The following VTI1A variants were observed in gnomAD, a reference collection of about 807,000 sequenced individuals.
VTI1A encodes the protein vesicle transport through interaction with t-SNAREs homolog 1A.
VTI1A carries 22 observed loss-of-function variants against 34.9 expected under a neutral mutation model. The ratio of observed to expected loss-of-function variants is 0.63; its 90% CI spans 0.45 to 0.90. The LOEUF is 0.90. Ranked by LOEUF, VTI1A falls within the 40% of genes least tolerant of loss-of-function variation. VTI1A has a pLI of 0.00. For missense variants in VTI1A, 268 were observed against 275.6 expected (o/e 0.97, Z 0.20); for synonymous variants, 87 against 97.3 (o/e 0.89, Z 0.62).
intron 3 of VTI1A, among the ~76,000 whole-genome samples, chr10:112,516,555 G>T (rs1358294526): frequency 6.6e-6 from 1 of 151,852 alleles, no homozygotes; most frequent in Non-Finnish European, 1.5e-5. Context: ...TGGACCTATT[G>T]GCTTACCTCT....
chr10:112,731,094 A>T (rs1850240826), intron 7 of VTI1A, among the ~76,000 whole-genome samples: 1 of 152,168 alleles, frequency 6.6e-6, no homozygotes, highest in Admixed American at 6.5e-5. Context: ...GACTGTTTAT[A>T]TCAAGGGTAG....
At chr10:112,648,122 A>G (rs1378730075) in intron 5 of VTI1A, among the ~76,000 whole-genome samples, 1 of 152,210 alleles carries the variant, frequency 6.6e-6, no homozygotes, top group African/African-American at 2.4e-5. Flanking sequence ...ATTACACATC[A>G]GTTACACATC....
Position 112,603,633 on chromosome 10 carries a change from A to G in VTI1A, c.428-64585A>G, listed in dbSNP as rs61384671. On this transcript the variant is annotated intron_variant, in intron 5 of 7. Coordinates refer to ENST00000393077, the MANE Select transcript of VTI1A (RefSeq NM_145206.4). ...TTTGGATCTCAAAATATATCCTAGG[A>G]ATTTCCAAAATTTCTTCCCCTTGTA... Among the ~76,000 whole-genome samples, 35 of 152,188 alleles carry G rather than the reference A, an allele frequency of 2.3e-4. 1 individual carries two copies. The East Asian group carries it at 5.8e-3, about 25-fold the overall frequency.
chr10:112,687,168 G>A lies in VTI1A; in HGVS notation c.560+18170G>A, dbSNP rs566801671. ...AGATCAGAGAGCCTGGATAGGCAAG[G>A]ATGAAATCAAACTTCACCACATCAA... On this transcript the variant is annotated intron_variant, in intron 7 of 7. Coordinates refer to ENST00000393077, the MANE Select transcript of VTI1A (RefSeq NM_145206.4). Among the ~76,000 whole-genome samples the A allele has an allele frequency of 2.2e-4, 32 of 148,134 alleles. No individual in the cohort carries two copies. The East Asian group carries it at 6.4e-3, about 30-fold the overall frequency.
intron 5 of VTI1A, among the ~76,000 whole-genome samples, chr10:112,592,996 A>T (rs773928178): frequency 6.6e-5 from 10 of 152,226 alleles, no homozygotes; most frequent in Non-Finnish European, 1.3e-4. Flanking sequence ...GAGATTATTC[A>T]GTTTAAAGGA....
At position 112,480,133 on chromosome 10, in the gene VTI1A, G is replaced by A. The variant is rs114269905; in HGVS notation, c.264+15476G>A. On this transcript the variant is annotated intron_variant, in intron 3 of 7. Coordinates refer to ENST00000393077, the MANE Select transcript of VTI1A (RefSeq NM_145206.4). ...CCTAGAGTATACACACACATAGAAG[G>A]CAGTGTAATACACAGCTAGAAATAA... Among the ~76,000 whole-genome samples, 1,078 of 152,176 alleles carry A rather than the reference G, an allele frequency of 7.1e-3. 13 individuals are homozygous for A. Among genetic ancestry groups the A allele is most frequent in the African/African-American group, 0.025 (1,038 of 41,518 alleles).
chr10:112,801,395 T>G (rs1852871689), intron 7 of VTI1A, among the ~76,000 whole-genome samples: 1 of 152,200 alleles, frequency 6.6e-6, no homozygotes, highest in Non-Finnish European at 1.5e-5. Context: ...AAAGATACTC[T>G]CTTTTTAAGA....
intron 5 of VTI1A, among the ~76,000 whole-genome samples, chr10:112,582,962 T>C (rs1844006082): frequency 6.6e-6 from 1 of 152,106 alleles, no homozygotes; most frequent in African/African-American, 2.4e-5. Context: ...CCACTGACCA[T>C]GATGCCCAGG....
At chr10:112,788,513 C>T (rs1025764563) in intron 7 of VTI1A, among the ~76,000 whole-genome samples, 1 of 152,032 alleles carries the variant, frequency 6.6e-6, no homozygotes, top group African/African-American at 2.4e-5. Flanking sequence ...TAACTTTCAC[C>T]CTCTATGTGC....
At chr10:112,534,143 A>G (rs1244222406) in intron 4 of VTI1A, among the ~76,000 whole-genome samples, 4 of 152,118 alleles carry the variant, frequency 2.6e-5, no homozygotes, top group Non-Finnish European at 4.4e-5. Context: ...TGCAGCACCC[A>G]AGTGAGTTCT....
At chr10:112,483,136 T>C (rs866078825) in intron 3 of VTI1A, among the ~76,000 whole-genome samples, 1 of 152,314 alleles carries the variant, frequency 6.6e-6, no homozygotes, top group Middle Eastern at 3.4e-3. Context: ...CAAGCAACGA[T>C]CTGCCTACTC....
At chr10:112,719,445 T>C (rs1054603188) in intron 7 of VTI1A, among the ~76,000 whole-genome samples, 5 of 152,234 alleles carry the variant, frequency 3.3e-5, no homozygotes, top group Admixed American at 2.0e-4. Flanking sequence ...TTTATTGAGA[T>C]ATAATTTATA....
At chr10:112,650,197 T>C (rs906312729) in intron 5 of VTI1A, among the ~76,000 whole-genome samples, 1 of 152,240 alleles carries the variant, frequency 6.6e-6, no homozygotes, top group Non-Finnish European at 1.5e-5. Context: ...CATATCCTCA[T>C]TCTATGAACT....
Position 112,817,210 on chromosome 10 carries a change from CT to C in VTI1A, c.*1829del, listed in dbSNP as rs970887846. On this transcript the variant is annotated 3_prime_UTR_variant, in exon 8 of 8. Coordinates refer to ENST00000393077, the MANE Select transcript of VTI1A (RefSeq NM_145206.4). ...AGTATTACACCAGCCCCTCTGGTGG[CT>C]TCCTTCAAAACTGTTGATCTTAGCT... The C allele has an allele frequency of 4.7e-5, 11 of 232,418 alleles. No homozygotes were observed. Among genetic ancestry groups the C allele is most frequent in the Non-Finnish European group, 9.4e-5 (11 of 117,598 alleles). 14.4% of individuals were successfully genotyped at this position (232,418 alleles called of 1,614,324 possible).
chr10:112,735,584 T>C (rs892477267), intron 7 of VTI1A, among the ~76,000 whole-genome samples: 11 of 152,246 alleles, frequency 7.2e-5, no homozygotes, highest in Non-Finnish European at 1.5e-4. Context: ...CCACAAGTTA[T>C]TAATCAATAC....
intron 5 of VTI1A, among the ~76,000 whole-genome samples, chr10:112,550,348 G>A (rs1024487340): frequency 2.9e-5 from 2 of 69,008 alleles, no homozygotes; most frequent in South Asian, 1.4e-3. Flanking sequence ...AGTGCCAGAA[G>A]GTTTTTTTTT....
intron 5 of VTI1A, among the ~76,000 whole-genome samples, chr10:112,625,972 A>T (rs1845908532): frequency 6.6e-6 from 1 of 152,246 alleles, no homozygotes; most frequent in Non-Finnish European, 1.5e-5. Flanking sequence ...AAAGTGGTAG[A>T]TCAACAAATT....
intron 1 of VTI1A, among the ~76,000 whole-genome samples, chr10:112,457,622 G>C (rs979181355): frequency 1.3e-5 from 2 of 152,162 alleles, no homozygotes; most frequent in Admixed American, 6.5e-5. Context: ...AGGATTGAAG[G>C]CCTGGAAATA....
intron 7 of VTI1A, among the ~76,000 whole-genome samples, chr10:112,780,266 G>A (rs189935725): frequency 0.065 from 9,298 of 142,242 alleles, 446 homozygotes; most frequent in African/African-American, 0.13. Flanking sequence ...GCAAGACCCT[G>A]TCTCTAAAAA....
Sources: allele counts gnomAD v4.1 joint callset (sites outside exome capture counted in the v4.1 genomes callset), GRCh38; gene constraint gnomAD v4.1.1; transcripts MANE v1.5; gene names NCBI Gene and HGNC (gene_info 2026-07-23, HGNC 2026-07-21).